AP3M2: variants seen among roughly 807,000 people sequenced by gnomAD.
The protein encoded by AP3M2 is adaptor related protein complex 3 subunit mu 2.
A neutral mutation model predicts 41.6 loss-of-function variants in AP3M2; 28 were observed. That is an observed-to-expected ratio of 0.67 (90% confidence interval 0.50 to 0.92). The LOEUF (loss-of-function observed/expected upper bound fraction) is 0.92. Ranked by LOEUF, AP3M2 falls within the 40% of genes least tolerant of loss-of-function variation. The probability of loss-of-function intolerance (pLI) is 0.00; values close to 1 mark genes in which losing one functional copy is unlikely to be tolerated. For missense variants in AP3M2, 427 were observed against 521.4 expected, an observed-to-expected ratio of 0.82 and a Z score of 1.76; for synonymous variants, 193 against 186.4, an observed-to-expected ratio of 1.04 and a Z score of -0.29.
rs745993503 is a variant in AP3M2 at position 42,170,914 on chromosome 8, C to G, written c.*1853C>G. The G allele has an allele frequency of 6.6e-6, 1 of 152,234 alleles. No individual in the cohort carries two copies. Among genetic ancestry groups the G allele is most frequent in the African/African-American group, 2.4e-5 (1 of 41,454 alleles). The allele number at this position is 152,234 out of a possible 1,614,324, so 9.4% of individuals were successfully genotyped here. ...TGTAAGTGCAGCAGTTTTATTTCCT[C>G]TAGAACTCATCCTGTTTCAAGGGAA... is the stretch of plus-strand genomic sequence containing the variant. On this transcript the variant is annotated 3_prime_UTR_variant, in exon 9 of 9. Coordinates refer to ENST00000396926, the MANE Select transcript of AP3M2 (RefSeq NM_006803.4).
chr8:42,158,016 C>T lies in AP3M2; in HGVS notation c.349C>T (p.Leu117Phe), dbSNP rs1433272981. The T allele has an allele frequency of 3.1e-6, 5 of 1,614,144 alleles. No individual in the cohort carries two copies. The Admixed American group carries it at 6.7e-5, about 22-fold the overall frequency. The change falls in exon 3 of 9, where the codon CTT (leucine) becomes TTT (phenylalanine). Residue 117 changes from leucine (L) to phenylalanine (F), a missense_variant. Physicochemically the swap from Leu to Phe is conservative, Grantham distance 22. Transcript: ENST00000396926. ...VVVYEVLEEM[L>F]DNGFPLATES... ...GGTTTATGAGGTATTGGAAGAGATG[C>T]TTGACAATGGTTTTCCATTGGCTAC...
chr8:42,162,597 G>C (rs1804535300), intron 4 of AP3M2, among the ~76,000 whole-genome samples, 179 bp downstream of exon 4: 1 of 152,034 alleles, frequency 6.6e-6, no homozygotes, highest in Non-Finnish European at 1.5e-5. Context: ...ATGCAGACCA[G>C]GGTTTATTTC....
chr8:42,157,343 C>T (rs1321654525), intron 2 of AP3M2, among the ~76,000 whole-genome samples: 4 of 152,330 alleles, frequency 2.6e-5, no homozygotes, highest in East Asian at 1.9e-4. Context: ...TCCAGGTCTT[C>T]TGGTTTGAAA....
At chr8:42,158,783 T>C (rs1008830826) in intron 3 of AP3M2, among the ~76,000 whole-genome samples, 8 of 151,790 alleles carry the variant, frequency 5.3e-5, no homozygotes, top group Non-Finnish European at 1.2e-4. Flanking sequence ...CATGATGATG[T>C]CTTCTACATG....
At chr8:42,162,603 AT>A (rs1265285163) in intron 4 of AP3M2, among the ~76,000 whole-genome samples, 185 bp downstream of exon 4, 1 of 152,080 alleles carries the variant, frequency 6.6e-6, no homozygotes, top group Non-Finnish European at 1.5e-5. Flanking sequence ...ACCAGGGTTT[AT>A]TTCATATGTT....
At chr8:42,162,163 TTTGA>T (rs1310111280) in intron 3 of AP3M2, 114 bp from the exon 4 acceptor site, 18 of 1,040,600 alleles carry the variant, frequency 1.7e-5, no homozygotes, top group Admixed American at 2.9e-5. Context: ...TCATCTTCTG[TTTGA>T]AAAATTCTTC....
At position 42,170,249 on chromosome 8, in the gene AP3M2, T is replaced by A. The variant is rs1804762004; in HGVS notation, c.*1188T>A. ...AGTTATCATTTCCTCAGTCTTTTCT[T>A]TTGTACTCCTATCATGTATTCATTA... On this transcript the variant is annotated 3_prime_UTR_variant, in exon 9 of 9. Transcript: ENST00000396926. The A allele has an allele frequency of 6.6e-6, 1 of 152,254 alleles. No homozygotes were observed. The allele number at this position is 152,254 out of a possible 1,614,324, so 9.4% of individuals were successfully genotyped here. A position where few individuals can be genotyped will look rare whatever the true frequency, so the allele number is the denominator to read the frequency against.
rs1587913192 is a variant in AP3M2, at chr8:42,158,052, A to G, written c.385A>G (p.Ile129Val). 5.0e-6 allele frequency: 8 copies of G among 1,614,140 alleles called. No individual in the cohort carries two copies. The East Asian group carries it at 1.8e-4, about 36-fold the overall frequency. Residue 129 changes from isoleucine (I) to valine (V), a missense_variant, in exon 3 of 9, where the codon ATT becomes GTT. Transcript: ENST00000396926. ...NGFPLATESN[I>V]LKELIKPPTI... is the part of the protein sequence containing the mutation. ...TTTTCCATTGGCTACCGAGTCGAAC[A>G]TTCTTAAAGAACTCATAAAGCCTCC...
intron 8 of AP3M2, among the ~76,000 whole-genome samples, chr8:42,168,024 G>A (rs1386777726): frequency 6.6e-6 from 1 of 152,202 alleles, no homozygotes; most frequent in Non-Finnish European, 1.5e-5. Flanking sequence ...GAATAAAAGT[G>A]CCTAAGACAC....
chr8:42,154,521 TG>T, intron 1 of AP3M2, 94 bp from the exon 2 acceptor site: 1 of 941,762 alleles, frequency 1.1e-6, no homozygotes, highest in Non-Finnish European at 1.5e-6. Context: ...AGATTGGGCC[TG>T]GTCTTGAAAG....
chr8:42,158,222 C>A (rs987256440), intron 3 of AP3M2, 110 bp downstream of exon 3: 4 of 1,130,954 alleles, frequency 3.5e-6, no homozygotes, highest in Admixed American at 5.1e-5. Flanking sequence ...TCAGGTGTCC[C>A]AGTGCTTTAA....
chr8:42,170,389 A>G lies in AP3M2; in HGVS notation c.*1328A>G, dbSNP rs533858661. 2.2e-4 allele frequency: 34 copies of G among 152,360 alleles called. No homozygotes were observed. Among genetic ancestry groups the G allele is most frequent in the African/African-American group, 7.2e-4 (30 of 41,588 alleles). The allele number at this position is 152,360 out of a possible 1,614,324, so 9.4% of individuals were successfully genotyped here. A position where few individuals can be genotyped will look rare whatever the true frequency, so the allele number is the denominator to read the frequency against. On this transcript the variant is annotated 3_prime_UTR_variant, in exon 9 of 9. Transcript: ENST00000396926. ...ATCATGGGTGTAAGCAACCCAGTTT[A>G]AGAAACATGGCAACTAAAGGGATAC... is the stretch of plus-strand genomic sequence containing the variant.
Position 42,158,088 on chromosome 8 carries a change from C to G in AP3M2, c.421C>G (p.Arg141Gly). Reference sequence around the variant, plus strand: ...ACTCATAAAGCCTCCTACCATCCTTCGAACGGTTGTCAACACCATCACAGG... The same window carrying G: ...ACTCATAAAGCCTCCTACCATCCTTGGAACGGTTGTCAACACCATCACAGG... ...KELIKPPTIL[R>G]TVVNTITGST... Residue 141 changes from arginine to glycine, a missense_variant, in exon 3 of 9, where the codon CGA becomes GGA. By Grantham distance (125) the Arg-to-Gly change is moderately radical. Coordinates refer to ENST00000396926, the MANE Select transcript of AP3M2 (RefSeq NM_006803.4). 2 of 1,613,918 alleles carry G rather than the reference C, an allele frequency of 1.2e-6. No homozygotes were observed. Among genetic ancestry groups the G allele is most frequent in the Non-Finnish European group, 1.7e-6 (2 of 1,179,884 alleles).
At position 42,159,228 on chromosome 8, in the gene AP3M2, G is replaced by C. The variant is rs180785677; in HGVS notation, c.445+1116G>C. 2.0e-5 allele frequency among the ~76,000 whole-genome samples: 3 copies of C among 152,232 alleles called. No homozygotes were observed. The East Asian group carries it at 5.8e-4, about 29-fold the overall frequency. On this transcript the variant is annotated intron_variant, in intron 3 of 8. Coordinates refer to ENST00000396926, the MANE Select transcript of AP3M2 (RefSeq NM_006803.4). ...TTACCATTCTTACACTTGAACCTTG[G>C]TGCACATCTGGGATGATTTCTTTAA...
At chr8:42,165,692 G>T in intron 6 of AP3M2, 132 bp downstream of exon 6, 2 of 1,056,670 alleles carry the variant, frequency 1.9e-6, no homozygotes, top group Non-Finnish European at 2.7e-6. Flanking sequence ...TTACTAATTG[G>T]GTAACCTCAG....
Position 42,162,338 on chromosome 8 carries a change from G to C in AP3M2, c.503G>C (p.Arg168Pro), listed in dbSNP as rs767705940. ...PTGQLSVVPW[R>P]RTGVKYTNNE... is the part of the protein sequence containing the mutation. Reference sequence around the variant, plus strand: ...GGGCAGCTGTCAGTGGTGCCTTGGCGACGGACTGGGGTGAAATATACCAAC... The same window carrying C: ...GGGCAGCTGTCAGTGGTGCCTTGGCCACGGACTGGGGTGAAATATACCAAC... The change falls in exon 4 of 9, where the codon CGA (arginine) becomes CCA (proline). Residue 168 changes from arginine to proline, a missense_variant. Physicochemically the swap from Arg to Pro is moderately radical, Grantham distance 103. Around this residue, in one of 3 missense-constraint regions of AP3M2, gnomAD observed 86 missense variants for 142.6 expected, o/e 0.60. Transcript: ENST00000396926. 6.2e-7 allele frequency: 1 copy of C among 1,613,746 alleles called. No homozygotes were observed. The highest frequency in any genetic ancestry group is 8.5e-7 in the Non-Finnish European group (1 of 1,179,882).
intron 7 of AP3M2, 70 bp from the exon 8 acceptor site, chr8:42,167,596 C>T (rs1411899825): frequency 1.3e-6 from 2 of 1,551,860 alleles, no homozygotes; most frequent in Non-Finnish European, 1.7e-6. Flanking sequence ...ATCTCAGCCA[C>T]CTCAAATGCA....
intron 8 of AP3M2, 86 bp from the exon 9 acceptor site, chr8:42,168,874 CT>C: frequency 1.1e-6 from 1 of 946,684 alleles, no homozygotes; most frequent in South Asian, 1.7e-5. Context: ...GTCCCACTGA[CT>C]TCAGTGTATT....
At chr8:42,159,836 A>G (rs534383756) in intron 3 of AP3M2, among the ~76,000 whole-genome samples, 1 of 152,376 alleles carries the variant, frequency 6.6e-6, no homozygotes, top group Non-Finnish European at 1.5e-5. Context: ...TAAATATTGC[A>G]AGAATAGCCA....
Sources: allele counts gnomAD v4.1 joint callset (sites outside exome capture counted in the v4.1 genomes callset), GRCh38; gene constraint gnomAD v4.1.1; regional missense constraint gnomAD v4.1.1; transcripts MANE v1.5; gene names NCBI Gene and HGNC (gene_info 2026-07-23, HGNC 2026-07-21).